The following GATA1 variants were observed in gnomAD, a reference collection of about 807,000 sequenced individuals.
GATA1 encodes GATA binding protein 1.
A neutral mutation model predicts 18.9 loss-of-function variants in GATA1; 2 were observed. The ratio of observed to expected loss-of-function variants is 0.11; its 90% CI spans 0.04 to 0.33. The LOEUF is 0.33. Ranked by LOEUF, GATA1 falls within the 10% of genes least tolerant of loss-of-function variation. The pLI is 1.00. For synonymous variants in GATA1, 152 were observed against 149.1 expected (o/e 1.02, Z -0.14); for missense variants, 272 against 344.7 (o/e 0.79, Z 1.67).
chrX:48,789,306 C>CA (rs1364678472), intron 1 of GATA1, among the ~76,000 whole-genome samples: 1,903 of 37,712 alleles, frequency 0.05, 23 homozygotes, highest in Non-Finnish European at 0.066. Context: ...GACTCCGTCT[C>CA]AAAAAAAAAA....
Position 48,794,054 on chromosome X carries a change from C to T in GATA1, c.1132C>T (p.His378Tyr). 1.7e-6 allele frequency: 2 copies of T among 1,210,969 alleles called. No homozygotes were observed. The highest frequency in any genetic ancestry group is 2.2e-6 in the Non-Finnish European group (2 of 895,047). The change falls in exon 6 of 6, where the codon CAC becomes TAC. Residue 378 changes from histidine (H) to tyrosine (Y), a missense_variant. His to Tyr is a moderately conservative substitution (Grantham distance 83). Coordinates refer to ENST00000376670, the MANE Select transcript of GATA1 (RefSeq NM_002049.4). ...TGTGGTGCTGTCAGGGCCTGTTAGCCACCTCATGCCTTTCCCTGGACCCCT... is the reference window on the plus strand; with the variant it reads ...TGTGGTGCTGTCAGGGCCTGTTAGCTACCTCATGCCTTTCCCTGGACCCCT... ...GPVVLSGPVS[H>Y]LMPFPGPLLG...
chrX:48,788,770 G>T (rs1557019535), intron 1 of GATA1, among the ~76,000 whole-genome samples: 2 of 111,365 alleles, frequency 1.8e-5, no homozygotes, highest in African/African-American at 6.5e-5. Context: ...ATCCTGAGCT[G>T]CATGTGGCTG....
intron 1 of GATA1, among the ~76,000 whole-genome samples, chrX:48,790,129 T>C (rs1354567728): frequency 9.3e-6 from 1 of 106,986 alleles, no homozygotes; most frequent in Non-Finnish European, 1.9e-5. Context: ...AAATGAGTAG[T>C]AGGAGAAAGG....
chrX:48,793,325 C>A, intron 5 of GATA1, 28 bp downstream of exon 5: 1 of 1,204,690 alleles, frequency 8.3e-7, no homozygotes, highest in Non-Finnish European at 1.1e-6. Flanking sequence ...GGAGCCACCC[C>A]TCTGCTTTCC....
chrX:48,787,808 C>T (rs782737345), intron 1 of GATA1, among the ~76,000 whole-genome samples: 363 of 111,363 alleles, frequency 3.3e-3, no homozygotes, highest in Non-Finnish European at 5.5e-3. Flanking sequence ...TATCTGCCCC[C>T]TAGACCTTAT....
chrX:48,793,429 T>A, intron 5 of GATA1, 132 bp downstream of exon 5: 1 of 536,273 alleles, frequency 1.9e-6, no homozygotes. Context: ...CCCTCCTTCC[T>A]CCCCCTTCCC....
chrX:48,793,951 C>T lies in GATA1; in HGVS notation c.1029C>T (p.Ser343=), dbSNP rs1557020591. 4 of 1,203,474 alleles carry T rather than the reference C, an allele frequency of 3.3e-6. No homozygotes were observed. The highest frequency in any genetic ancestry group is 1.8e-5 in the South Asian group (1 of 55,631). ...GFMVVAGGSG[S]GNCGEVASGL... is the part of the protein sequence containing the mutation. ...TGGTGGTGGCTGGGGGCAGCGGTAG[C>T]GGGAATTGTGGGGAGGTGGCTTCAG... Residue 343 remains serine (S), a synonymous_variant, in exon 6 of 6, where the codon AGC becomes AGT. Transcript: ENST00000376670.
At chrX:48,790,214 A>G (rs1281005866) in intron 1 of GATA1, among the ~76,000 whole-genome samples, 1 of 110,031 alleles carries the variant, frequency 9.1e-6, no homozygotes, top group Non-Finnish European at 1.9e-5. Flanking sequence ...GTACTTTGGG[A>G]GGCTGAGGTG....
chrX:48,791,039 G>T (rs2062672897), intron 1 of GATA1, 52 bp from the exon 2 acceptor site: 2 of 844,118 alleles, frequency 2.4e-6, no homozygotes. Context: ...GCAGGTGAAA[G>T]GAGGTGGGGG....
At chrX:48,791,057 T>C in intron 1 of GATA1, 34 bp from the exon 2 acceptor site, 1 of 1,010,456 alleles carries the variant, frequency 9.9e-7, no homozygotes, top group Non-Finnish European at 1.4e-6. Flanking sequence ...GGGGGAAGGA[T>C]TTCTGTGTCT....
At chrX:48,793,686 CA>C in intron 5 of GATA1, 106 bp from the exon 6 acceptor site, 4 of 1,099,417 alleles carry the variant, frequency 3.6e-6, no homozygotes, top group Non-Finnish European at 3.7e-6. Flanking sequence ...TCTCAGCACC[CA>C]AAAATTATCT....
In GATA1 at chrX:48,791,968, C is replaced by T. The variant is rs782328620; in HGVS notation, c.345C>T (p.Asp115=). The T allele has an allele frequency of 7.4e-6, 9 of 1,210,028 alleles. No homozygotes were observed. In the South Asian group the frequency reaches 1.4e-4, roughly 19 times the overall value. Residue 115 remains aspartate (D), a synonymous_variant, in exon 3 of 6, where the codon GAC becomes GAT. Transcript: ENST00000376670. ...CAACTGTGTGTCCCACCCGCGAGGACTCTCCTCCCCAGGCCGTGGAAGATC... is the reference window on the plus strand; with the variant it reads ...CAACTGTGTGTCCCACCCGCGAGGATTCTCCTCCCCAGGCCGTGGAAGATC... ...PASTVCPTRE[D]SPPQAVEDLD... is the part of the protein sequence containing the mutation.
Position 48,794,088 on chromosome X carries a change from C to T in GATA1, c.1166C>T (p.Ser389Leu), listed in dbSNP as rs1204358083. 8.3e-7 allele frequency: 1 copy of T among 1,201,126 alleles called. No homozygotes were observed. The highest frequency in any genetic ancestry group is 1.7e-5 in the African/African-American group (1 of 57,586). ...LMPFPGPLLG[S>L]PTGSFPTGPM... ...CCTTTCCCTGGACCCCTACTGGGCT[C>T]ACCCACGGGCTCCTTCCCCACAGGC... Residue 389 changes from serine (S) to leucine (L), a missense_variant, in exon 6 of 6, where the codon TCA (serine) becomes TTA (leucine). Ser to Leu is a moderately radical substitution (Grantham distance 145). Around this residue, in one of 3 missense-constraint regions of GATA1, gnomAD observed 83 missense variants for 84.2 expected, o/e 0.99. Coordinates refer to ENST00000376670, the MANE Select transcript of GATA1 (RefSeq NM_002049.4).
chrX:48,793,318 G>A lies in GATA1; in HGVS notation c.870+21G>A, dbSNP rs1219487021. On this transcript the variant is annotated intron_variant, in intron 5 of 5. Transcript: ENST00000376670. ...ACCAGGTGACGCCCTGCCCCTTGGA[G>A]CCACCCCTCTGCTTTCCCTGTCTTC... 4 of 1,204,183 alleles carry A rather than the reference G, an allele frequency of 3.3e-6. No individual in the cohort carries two copies. In the East Asian group the frequency reaches 1.2e-4, roughly 36 times the overall value.
chrX:48,794,283 T>C lies in GATA1; in HGVS notation c.*119T>C. The C allele has an allele frequency of 1.1e-6, 1 of 891,791 alleles. No individual in the cohort carries two copies. Among genetic ancestry groups the C allele is most frequent in the Non-Finnish European group, 1.6e-6 (1 of 642,825 alleles). 73.5% of individuals were successfully genotyped at this position (891,791 alleles called of 1,213,427 possible). A position where few individuals can be genotyped will look rare whatever the true frequency, so the allele number is the denominator to read the frequency against. ...CCCTGGCTTGAACCTTCAAAGCTTT[T>C]GTAAAATAAAACCACCAAAGTCCTG... On this transcript the variant is annotated 3_prime_UTR_variant, in exon 6 of 6. Coordinates refer to ENST00000376670, the MANE Select transcript of GATA1 (RefSeq NM_002049.4).
At chrX:48,793,009 C>A (rs1380833226) in intron 4 of GATA1, among the ~76,000 whole-genome samples, 163 bp from the exon 5 acceptor site, 1 of 111,254 alleles carries the variant, frequency 9.0e-6, no homozygotes, top group African/African-American at 3.3e-5. Context: ...AGATAGGAAC[C>A]CCTGTACTGG....
chrX:48,790,940 T>G (rs1157494993), intron 1 of GATA1, among the ~76,000 whole-genome samples, 151 bp from the exon 2 acceptor site: 2 of 28,360 alleles, frequency 7.1e-5, no homozygotes, highest in African/African-American at 1.5e-4. Flanking sequence ...GAGACTAAGG[T>G]GAGGAGGAGG....
At chrX:48,791,392 C>G in intron 2 of GATA1, 63 bp downstream of exon 2, 1 of 983,115 alleles carries the variant, frequency 1.0e-6, no homozygotes, top group Non-Finnish European at 1.4e-6. Flanking sequence ...CATGGAGATC[C>G]TTGGCTAGGT....
Position 48,791,092 on chromosome X carries a change from T to A in GATA1, c.-18T>A, listed in dbSNP as rs1297125667. On this transcript the variant is annotated splice_region_variant and 5_prime_UTR_variant, in exon 2 of 6. Transcript: ENST00000376670. ...TGAGGACCCCTTCTGTCCTCGCAGGTTAATCCCCAGAGGCTCCATGGAGTT... is the reference window on the plus strand; with the variant it reads ...TGAGGACCCCTTCTGTCCTCGCAGGATAATCCCCAGAGGCTCCATGGAGTT... 3.4e-6 allele frequency: 4 copies of A among 1,184,529 alleles called. No individual in the cohort carries two copies. The East Asian group carries it at 1.2e-4, about 35-fold the overall frequency.
Sources: allele counts gnomAD v4.1 joint callset (sites outside exome capture counted in the v4.1 genomes callset), GRCh38; gene constraint gnomAD v4.1.1; regional missense constraint gnomAD v4.1.1; transcripts MANE v1.5; gene names NCBI Gene and HGNC (gene_info 2026-07-23, HGNC 2026-07-21).